Variants in SCHIP1 observed in about 807,000 individuals in gnomAD.
SCHIP1 encodes schwannomin interacting protein 1, also known as schwannomin-interacting protein 1.
Under a neutral mutation model 29.7 loss-of-function variants are expected in SCHIP1, and 8 were observed. The ratio of observed to expected loss-of-function variants is 0.27; its 90% confidence interval spans 0.16 to 0.49. SCHIP1 has a LOEUF of 0.49. SCHIP1 is among the 20% of genes least tolerant of loss of function. SCHIP1 has a pLI of 0.99. For missense variants in SCHIP1, 193 were observed against 294.6 expected (o/e 0.66, Z 2.52); for synonymous variants, 76 against 94.9 (o/e 0.80, Z 1.16).
chr3:159,704,781 G>A, the SCHIP1 span, among the ~76,000 whole-genome samples: 10 of 152,078 alleles, frequency 6.6e-5, no homozygotes, highest in Admixed American at 6.5e-4. Flanking sequence ...ATATAGCTTA[G>A]CAGCAACACA....
chr3:159,274,712 A>C, the SCHIP1 span: 1 of 820,424 alleles, frequency 1.2e-6, no homozygotes, highest in Non-Finnish European at 1.5e-6. Flanking sequence ...TTAGCTATTC[A>C]AATTTTTTTC....
At chr3:159,559,666 A>G in the SCHIP1 span, among the ~76,000 whole-genome samples, 2 of 152,218 alleles carry the variant, frequency 1.3e-5, no homozygotes, top group African/African-American at 4.8e-5. Context: ...ATTAAAATAC[A>G]GTATTATATA....
the SCHIP1 span, among the ~76,000 whole-genome samples, chr3:159,457,669 T>C: frequency 6.6e-6 from 1 of 152,136 alleles, no homozygotes. Flanking sequence ...AGTCTTCCCT[T>C]ATCCTCAGAG....
intron 2 of SCHIP1, among the ~76,000 whole-genome samples, chr3:159,868,002 TTA>T (rs1257484064): frequency 1.7e-5 from 2 of 117,074 alleles, no homozygotes; most frequent in Admixed American, 8.3e-5. Flanking sequence ...AATCAATGAT[TTA>T]TATATATATA....
chr3:159,370,423 A>G, the SCHIP1 span, among the ~76,000 whole-genome samples: 4 of 152,210 alleles, frequency 2.6e-5, no homozygotes, highest in East Asian at 7.7e-4. Context: ...TTCCAGCTCA[A>G]TTTTTCTCCA....
At chr3:159,613,635 C>T in the SCHIP1 span, among the ~76,000 whole-genome samples, 1 of 152,164 alleles carries the variant, frequency 6.6e-6, no homozygotes, top group Non-Finnish European at 1.5e-5. Context: ...GCAGGGCACT[C>T]ATTCAAAAGC....
the SCHIP1 span, among the ~76,000 whole-genome samples, chr3:159,638,147 TAC>T: frequency 6.6e-6 from 1 of 152,088 alleles, no homozygotes; most frequent in African/African-American, 2.4e-5. Flanking sequence ...GCCTAGAAGA[TAC>T]AGACTGTCCT....
At chr3:159,739,851 T>C in the SCHIP1 span, among the ~76,000 whole-genome samples, 54 of 152,354 alleles carry the variant, frequency 3.5e-4, no homozygotes, top group African/African-American at 1.3e-3. Context: ...GGTGCCTAAT[T>C]ACATGAACAA....
chr3:159,695,687 C>T, the SCHIP1 span, among the ~76,000 whole-genome samples: 4 of 152,190 alleles, frequency 2.6e-5, no homozygotes, highest in African/African-American at 9.7e-5. Context: ...TGTAGTACTA[C>T]TGTGAGGATC....
the SCHIP1 span, among the ~76,000 whole-genome samples, chr3:159,510,335 T>A: frequency 6.6e-6 from 1 of 152,240 alleles, no homozygotes; most frequent in African/African-American, 2.4e-5. Flanking sequence ...CTTTAAGGAC[T>A]TCTCTGCATT....
At chr3:159,315,008 C>G in the SCHIP1 span, among the ~76,000 whole-genome samples, 2 of 152,092 alleles carry the variant, frequency 1.3e-5, no homozygotes, top group African/African-American at 4.8e-5. Context: ...ATTTCTTTTG[C>G]ATGTACATAT....
the SCHIP1 span, among the ~76,000 whole-genome samples, chr3:159,759,986 C>T: frequency 6.8e-6 from 1 of 146,980 alleles, no homozygotes; most frequent in African/African-American, 2.5e-5. Context: ...TCTTCTTACC[C>T]CTATCTTTAA....
the SCHIP1 span, among the ~76,000 whole-genome samples, chr3:159,345,554 TTCTC>T: frequency 8.0e-4 from 75 of 93,470 alleles, no homozygotes; most frequent in Admixed American, 2.3e-3. Context: ...GTGTCTCTCT[TTCTC>T]TCTCTCTCTC....
At chr3:159,392,343 G>A in the SCHIP1 span, among the ~76,000 whole-genome samples, 1 of 151,990 alleles carries the variant, frequency 6.6e-6, no homozygotes, top group Non-Finnish European at 1.5e-5. Flanking sequence ...TAAGTTTTAG[G>A]GTACATGTGC....
At chr3:159,594,800 T>C in the SCHIP1 span, among the ~76,000 whole-genome samples, 1 of 152,192 alleles carries the variant, frequency 6.6e-6, no homozygotes, top group African/African-American at 2.4e-5. Flanking sequence ...TTCAGTCTGC[T>C]AAGTCCTTCA....
chr3:159,629,244 A>G, the SCHIP1 span, among the ~76,000 whole-genome samples: 1,185 of 152,158 alleles, frequency 7.8e-3, 19 homozygotes, highest in African/African-American at 0.027. Flanking sequence ...AAGCCACTGC[A>G]CTCCACTCTG....
At chr3:159,497,823 T>A in the SCHIP1 span, among the ~76,000 whole-genome samples, 2 of 152,050 alleles carry the variant, frequency 1.3e-5, no homozygotes, top group Non-Finnish European at 2.9e-5. Context: ...AGTAGCAAAA[T>A]CCAGAACAAA....
At chr3:159,678,976 C>G in the SCHIP1 span, among the ~76,000 whole-genome samples, 2 of 152,198 alleles carry the variant, frequency 1.3e-5, no homozygotes, top group Non-Finnish European at 2.9e-5. Context: ...GAGATTATTA[C>G]AATTCAAGGT....
chr3:159,466,259 G>A, the SCHIP1 span, among the ~76,000 whole-genome samples: 1 of 152,058 alleles, frequency 6.6e-6, no homozygotes, highest in African/African-American at 2.4e-5. Context: ...GGGGAGGTGG[G>A]AAGATCATGA....
Sources: gnomAD v4.1 joint callset for allele counts (sites outside exome capture counted in the v4.1 genomes callset) on GRCh38, gnomAD v4.1.1 for gene constraint, MANE v1.5 for transcripts, NCBI Gene and HGNC (gene_info 2026-07-23, HGNC 2026-07-21) for gene names.